Variants in PRR16 observed in about 807,000 individuals in gnomAD.
PRR16 encodes proline rich 16, also known as protein Largen.
PRR16 carries 6 observed loss-of-function variants against 18.2 expected under a neutral mutation model. That is an observed-to-expected ratio of 0.33 (90% confidence interval 0.18 to 0.65). The LOEUF is 0.65. Among genes scored for constraint, PRR16 ranks in the 30% least tolerant of loss-of-function variants. The pLI, the probability that PRR16 is intolerant of heterozygous loss-of-function variation, is 0.74. For synonymous variants in PRR16, 151 were observed against 147.8 expected, an observed-to-expected ratio of 1.02 and a Z score of -0.16; for missense variants, 412 against 376.6, an observed-to-expected ratio of 1.09 and a Z score of -0.78.
At chr5:120,627,782 C>T (rs971180974) in intron 1 of PRR16, among the ~76,000 whole-genome samples, 63 of 152,004 alleles carry the variant, frequency 4.1e-4, no homozygotes, top group African/African-American at 1.4e-3. Context: ...TCTGAATGGC[C>T]GATTTCCTAA....
intron 1 of PRR16, among the ~76,000 whole-genome samples, chr5:120,635,932 A>G (rs941024078): frequency 1.3e-5 from 2 of 152,168 alleles, no homozygotes; most frequent in African/African-American, 2.4e-5. Flanking sequence ...TTCAGGATAC[A>G]AAATAAATAT....
intron 1 of PRR16, among the ~76,000 whole-genome samples, chr5:120,520,491 C>T (rs528621586): frequency 2.6e-5 from 4 of 152,158 alleles, no homozygotes; most frequent in Non-Finnish European, 5.9e-5. Context: ...GACAAAGGCA[C>T]GTTTAGGTAG....
Position 120,686,706 on chromosome 5 carries a change from G to A in PRR16, c.912G>A (p.Val304=). The A allele has an allele frequency of 2.0e-6, 3 of 1,497,052 alleles. No homozygotes were observed. The highest frequency in any genetic ancestry group is 1.8e-6 in the Non-Finnish European group (2 of 1,121,642). 92.7% of individuals were successfully genotyped at this position (1,497,052 alleles called of 1,614,324 possible). A position where few individuals can be genotyped will look rare whatever the true frequency, so the allele number is the denominator to read the frequency against. Reference sequence around the variant, plus strand: ...TGAGGAAGTCAACCACTACAACCGTGTGATGTATGCCATTAAAAAAATTGT... The same window carrying A: ...TGAGGAAGTCAACCACTACAACCGTATGATGTATGCCATTAAAAAAATTGT... The part of the protein sequence containing the change: ...TILRKSTTTT[V] The change falls in exon 2 of 2, where the codon GTG becomes GTA. Residue 304 remains valine, a synonymous_variant. Coordinates refer to ENST00000407149, the MANE Select transcript of PRR16 (RefSeq NM_001300783.2).
At chr5:120,767,267 G>T in the PRR16 span, among the ~76,000 whole-genome samples, 3 of 151,942 alleles carry the variant, frequency 2.0e-5, no homozygotes, top group African/African-American at 7.2e-5. Flanking sequence ...CCAGATTGCA[G>T]GATTTTAGGA....
At chr5:120,581,639 G>A (rs1284804549) in intron 1 of PRR16, among the ~76,000 whole-genome samples, 1 of 151,932 alleles carries the variant, frequency 6.6e-6, no homozygotes, top group African/African-American at 2.4e-5. Context: ...CTTTCTAGCT[G>A]TTTGATATGG....
At chr5:120,487,866 G>T (rs1384916806) in intron 1 of PRR16, among the ~76,000 whole-genome samples, 1 of 152,160 alleles carries the variant, frequency 6.6e-6, no homozygotes, top group Admixed American at 6.5e-5. Context: ...AAGCGTTGTT[G>T]AATTTTGTCA....
At chr5:120,661,045 G>T (rs1220854486) in intron 1 of PRR16, among the ~76,000 whole-genome samples, 1 of 152,098 alleles carries the variant, frequency 6.6e-6, no homozygotes, top group Non-Finnish European at 1.5e-5. Flanking sequence ...TTTTAAAGTA[G>T]TCCAAGATAG....
At chr5:120,678,357 C>G (rs2150152169) in intron 1 of PRR16, among the ~76,000 whole-genome samples, 1 of 152,242 alleles carries the variant, frequency 6.6e-6, no homozygotes, top group South Asian at 2.1e-4. Context: ...GAAAATCAGA[C>G]CTAACCATGG....
At chr5:120,747,919 A>G in the PRR16 span, among the ~76,000 whole-genome samples, 1 of 152,224 alleles carries the variant, frequency 6.6e-6, no homozygotes, top group South Asian at 2.1e-4. Context: ...GAAAATCTAC[A>G]TTTTGTGCAA....
chr5:120,603,444 TTC>T (rs1754050439), intron 1 of PRR16, among the ~76,000 whole-genome samples: 1 of 152,130 alleles, frequency 6.6e-6, no homozygotes, highest in South Asian at 2.1e-4. Flanking sequence ...TGTTTGAATC[TTC>T]TCTCTTTCTT....
the PRR16 span, among the ~76,000 whole-genome samples, chr5:120,779,726 G>C: frequency 6.6e-6 from 1 of 152,122 alleles, no homozygotes; most frequent in Non-Finnish European, 1.5e-5. Context: ...GGCACATGCT[G>C]ATATTCTTAA....
At chr5:120,609,098 C>A (rs972342448) in intron 1 of PRR16, among the ~76,000 whole-genome samples, 73 of 151,196 alleles carry the variant, frequency 4.8e-4, no homozygotes, top group African/African-American at 1.6e-3. Flanking sequence ...TTTTTTTCAA[C>A]AACTTTATTC....
the PRR16 span, among the ~76,000 whole-genome samples, chr5:120,717,091 ATGT>A: frequency 6.6e-6 from 1 of 150,996 alleles, no homozygotes; most frequent in African/African-American, 2.4e-5. Context: ...AAGTATTTTG[ATGT>A]TAAGTTGTTT....
At chr5:120,705,630 T>C in the PRR16 span, among the ~76,000 whole-genome samples, 30 of 152,262 alleles carry the variant, frequency 2.0e-4, no homozygotes, top group African/African-American at 7.2e-4. Flanking sequence ...GTTCTTTAGC[T>C]AAGACAATAA....
intron 1 of PRR16, among the ~76,000 whole-genome samples, chr5:120,667,860 G>A (rs1003176659): frequency 6.6e-6 from 1 of 152,106 alleles, no homozygotes; most frequent in Non-Finnish European, 1.5e-5. Context: ...TTGCTGAGGA[G>A]AGCTTTACTT....
the PRR16 span, among the ~76,000 whole-genome samples, chr5:120,724,640 A>T: frequency 6.6e-6 from 1 of 152,060 alleles, no homozygotes; most frequent in East Asian, 1.9e-4. Flanking sequence ...ACTCTTTGAC[A>T]TTCTTCAGAC....
At chr5:120,603,763 T>G (rs193110430) in intron 1 of PRR16, among the ~76,000 whole-genome samples, 130 of 152,202 alleles carry the variant, frequency 8.5e-4, no homozygotes, top group Non-Finnish European at 1.6e-3. Flanking sequence ...CATCTTTGTT[T>G]TAATTAGTTT....
At chr5:120,498,514 C>G (rs148589474) in intron 1 of PRR16, among the ~76,000 whole-genome samples, 1 of 151,602 alleles carries the variant, frequency 6.6e-6, no homozygotes, top group Non-Finnish European at 1.5e-5. Flanking sequence ...TATGTAGAAG[C>G]GCATCAGACA....
At chr5:120,660,714 G>C (rs1473614005) in intron 1 of PRR16, among the ~76,000 whole-genome samples, 2 of 151,964 alleles carry the variant, frequency 1.3e-5, no homozygotes, top group East Asian at 3.9e-4. Context: ...TGTTGCTTTT[G>C]AACTTTTACT....
Sources: allele counts gnomAD v4.1 joint callset (sites outside exome capture counted in the v4.1 genomes callset), GRCh38; gene constraint gnomAD v4.1.1; transcripts MANE v1.5; gene names NCBI Gene and HGNC (gene_info 2026-07-23, HGNC 2026-07-21).